Variants in CAT observed in about 807,000 individuals in gnomAD.
The protein encoded by CAT is catalase, also known as epididymis secretory sperm binding protein.
CAT carries 43 observed loss-of-function variants against 59.0 expected under a neutral mutation model. That is an observed-to-expected ratio of 0.73 (90% confidence interval 0.57 to 0.94). CAT has a LOEUF of 0.94. Ranked by LOEUF, CAT falls within the 40% of genes least tolerant of loss-of-function variation. CAT has a pLI of 0.00. For synonymous variants in CAT, 218 were observed against 230.9 expected, an observed-to-expected ratio of 0.94 and a Z score of 0.51; for missense variants, 664 against 682.9, an observed-to-expected ratio of 0.97 and a Z score of 0.31.
chr11:34,450,452 C>T (rs1319692300), intron 2 of CAT, among the ~76,000 whole-genome samples: 1 of 152,192 alleles, frequency 6.6e-6, no homozygotes, highest in Non-Finnish European at 1.5e-5. Context: ...GGAAGTTTTT[C>T]TCTTAGCTTG....
Position 34,471,734 on chromosome 11 carries a change from T to G in CAT, c.*301T>G. The G allele has an allele frequency of 2.5e-6, 1 of 401,964 alleles. No individual in the cohort carries two copies. 24.9% of individuals were successfully genotyped at this position (401,964 alleles called of 1,614,324 possible). On this transcript the variant is annotated 3_prime_UTR_variant, in exon 13 of 13. Coordinates refer to ENST00000241052, the MANE Select transcript of CAT (RefSeq NM_001752.4). The stretch of plus-strand genomic sequence containing the variant: ...AGAAATATGATTTTATTTGACAAAA[T>G]TTGTTGAAATTATGTATGTTTACAT...
chr11:34,468,114 A>T (rs1856739407), intron 10 of CAT, among the ~76,000 whole-genome samples, 174 bp from the exon 11 acceptor site: 1 of 152,228 alleles, frequency 6.6e-6, no homozygotes, highest in Admixed American at 6.5e-5. Context: ...AATGAATTTT[A>T]CTTATTTTGC....
intron 1 of CAT, among the ~76,000 whole-genome samples, chr11:34,440,567 C>CT (rs1371909875): frequency 0.013 from 1,816 of 143,898 alleles, 29 homozygotes; most frequent in African/African-American, 0.034. Context: ...CTTTTCTTTT[C>CT]TTTTTTTTTT....
intron 10 of CAT, 25 bp downstream of exon 10, chr11:34,464,260 T>C (rs1221931705): frequency 6.2e-7 from 1 of 1,610,814 alleles, no homozygotes; most frequent in Non-Finnish European, 8.5e-7. Context: ...TTATCTGCTA[T>C]GGAAGTCACC....
At chr11:34,453,431 G>A (rs1282039531) in intron 5 of CAT, among the ~76,000 whole-genome samples, 1 of 152,210 alleles carries the variant, frequency 6.6e-6, no homozygotes, top group Admixed American at 6.5e-5. Flanking sequence ...ATATTTAGCA[G>A]TAGTAAGGAT....
chr11:34,458,541 G>A lies in CAT; in HGVS notation c.1056+1724G>A, dbSNP rs76918070. On this transcript the variant is annotated intron_variant, in intron 8 of 12. Coordinates refer to ENST00000241052, the MANE Select transcript of CAT (RefSeq NM_001752.4). ...GGAAGCCAAAACAAGGTAATCCTGG[G>A]CCCTAAAACTCCCTACCTGGTGGCT... Among the ~76,000 whole-genome samples, 108 of 152,298 alleles carry A rather than the reference G, an allele frequency of 7.1e-4. No homozygotes were observed. In the East Asian group the frequency reaches 0.02, roughly 29 times the overall value.
In CAT at chr11:34,471,811, AAAGAT is replaced by A. The variant is rs1474608400; in HGVS notation, c.*381_*385del. On this transcript the variant is annotated 3_prime_UTR_variant, in exon 13 of 13. Transcript: ENST00000241052. ...ATATGGCTATAAATATATAAAAAGAAAAGATAAAGATGATCTACTCAGAAATTTTT... is the reference window on the plus strand; with the variant it reads ...ATATGGCTATAAATATATAAAAAGAAAAAGATGATCTACTCAGAAATTTTT... 1 of 212,434 alleles carries A rather than the reference AAAGAT, an allele frequency of 4.7e-6. No individual in the cohort carries two copies. The highest frequency in any genetic ancestry group is 5.3e-5 in the Admixed American group (1 of 19,046). 13.2% of individuals were successfully genotyped at this position (212,434 alleles called of 1,614,324 possible).
Position 34,470,943 on chromosome 11 carries a change from T to G in CAT, c.1435-15T>G. The G allele has an allele frequency of 6.2e-7, 1 of 1,607,314 alleles. No homozygotes were observed. Among genetic ancestry groups the G allele is most frequent in the Non-Finnish European group, 8.5e-7 (1 of 1,173,774 alleles). ...AGTTAGAGTAATGCTTGCATTTATTTTCCTTTGGCCTTAGGTCAAGAACTT... is the reference window on the plus strand; with the variant it reads ...AGTTAGAGTAATGCTTGCATTTATTGTCCTTTGGCCTTAGGTCAAGAACTT... On this transcript the variant is annotated splice_polypyrimidine_tract_variant and intron_variant, in intron 11 of 12. Coordinates refer to ENST00000241052, the MANE Select transcript of CAT (RefSeq NM_001752.4).
chr11:34,447,911 G>A (rs569278981), intron 1 of CAT, among the ~76,000 whole-genome samples: 14 of 152,294 alleles, frequency 9.2e-5, no homozygotes, highest in South Asian at 4.1e-4. Context: ...TTGGACCCAG[G>A]CTCTAGTGCT....
chr11:34,464,197 C>T lies in CAT; in HGVS notation c.1288C>T (p.Arg430Trp), dbSNP rs139875365. 16 of 1,613,826 alleles carry T rather than the reference C, an allele frequency of 9.9e-6. No individual in the cohort carries two copies. The highest frequency in any genetic ancestry group is 6.7e-5 in the Admixed American group (4 of 60,020). The change falls in exon 10 of 13, where the codon CGG becomes TGG. Residue 430 changes from arginine to tryptophan, a missense_variant. Physicochemically the swap from Arg to Trp is moderately radical, Grantham distance 101. Transcript: ENST00000241052. Reference protein sequence around the residue: ...EHSIQYSGEVRRFNTANDDNV... With the variant: ...EHSIQYSGEVWRFNTANDDNV... ...CAGCATCCAATATTCTGGAGAAGTG[C>T]GGAGATTCAACACTGCCAATGATGA... is the stretch of plus-strand genomic sequence containing the variant.
intron 10 of CAT, among the ~76,000 whole-genome samples, chr11:34,465,979 G>A (rs1184507692): frequency 6.6e-6 from 1 of 152,196 alleles, no homozygotes; most frequent in Non-Finnish European, 1.5e-5. Context: ...TAAGGTATTT[G>A]TTAATTTGTA....
intron 3 of CAT, 119 bp downstream of exon 3, chr11:34,451,217 T>C: frequency 1.3e-6 from 1 of 752,254 alleles, no homozygotes; most frequent in Non-Finnish European, 2.4e-6. Flanking sequence ...CCAAATTATG[T>C]CAAGGTTTTA....
At chr11:34,464,760 G>A (rs946056780) in intron 10 of CAT, among the ~76,000 whole-genome samples, 12 of 151,774 alleles carry the variant, frequency 7.9e-5, no homozygotes, top group East Asian at 5.8e-4. Context: ...TCCTATCTGC[G>A]TCAGAGCTTC....
chr11:34,439,105 C>A, intron 1 of CAT, 26 bp downstream of exon 1: 6 of 1,562,868 alleles, frequency 3.8e-6, no homozygotes, highest in Non-Finnish European at 5.2e-6. Context: ...CCCGAGCGGG[C>A]CCGAAGGTCC....
Position 34,464,105 on chromosome 11 carries a change from G to T in CAT, c.1196G>T (p.Gly399Val), listed in dbSNP as rs753813511. ...GCATCTGGGTGGTTTTGTTTTGAAG[G>T]TGGTGCTCCAAATTACTACCCCAAC... ...DGPMCMQDNQGGAPNYYPNSF... is the reference protein window; with the variant it reads ...DGPMCMQDNQVGAPNYYPNSF... The change falls in exon 10 of 13, where the codon GGT (glycine) becomes GTT (valine). Residue 399 changes from glycine to valine, a missense_variant and splice_region_variant. Transcript: ENST00000241052. 1 of 1,614,108 alleles carries T rather than the reference G, an allele frequency of 6.2e-7. No homozygotes were observed. Among genetic ancestry groups the T allele is most frequent in the East Asian group, 2.2e-5 (1 of 44,884 alleles).
intron 11 of CAT, among the ~76,000 whole-genome samples, chr11:34,470,464 A>G (rs1856761820): frequency 6.6e-6 from 1 of 152,034 alleles, no homozygotes; most frequent in East Asian, 1.9e-4. Context: ...ATTGAATACA[A>G]TCTCCAGCCC....
chr11:34,442,151 T>A (rs1194561738), intron 1 of CAT, among the ~76,000 whole-genome samples: 1 of 152,240 alleles, frequency 6.6e-6, no homozygotes, highest in Non-Finnish European at 1.5e-5. Context: ...TGGTATATAT[T>A]CCTTTGAAGT....
In CAT at chr11:34,464,138, G is replaced by C; in HGVS notation, c.1229G>C (p.Gly410Ala). 2 of 1,614,126 alleles carry C rather than the reference G, an allele frequency of 1.2e-6. No individual in the cohort carries two copies. Among genetic ancestry groups the C allele is most frequent in the Middle Eastern group, 1.6e-4 (1 of 6,062 alleles). The part of the protein sequence containing the change: ...GAPNYYPNSF[G>A]APEQQPSALE... ...CCAAATTACTACCCCAACAGCTTTG[G>C]TGCTCCGGAACAACAGCCTTCTGCC... The change falls in exon 10 of 13, where the codon GGT becomes GCT. Residue 410 changes from glycine to alanine, a missense_variant. Coordinates refer to ENST00000241052, the MANE Select transcript of CAT (RefSeq NM_001752.4).
chr11:34,461,206 T>C (rs773267157), intron 8 of CAT, 45 bp from the exon 9 acceptor site: 7 of 1,605,780 alleles, frequency 4.4e-6, no homozygotes, highest in Non-Finnish European at 6.0e-6. Context: ...TCCTATGTTA[T>C]ATGTTACTGC....
Sources: gnomAD v4.1 joint callset for allele counts (sites outside exome capture counted in the v4.1 genomes callset) on GRCh38, gnomAD v4.1.1 for gene constraint, MANE v1.5 for transcripts, NCBI Gene and HGNC (gene_info 2026-07-23, HGNC 2026-07-21) for gene names.